The following SELENOF variants were observed in gnomAD, a reference collection of about 807,000 sequenced individuals.
SELENOF encodes the protein 15 kDa selenoprotein.
In SELENOF, 16 loss-of-function variants were observed where a neutral mutation model predicts 20.5. The observed-to-expected ratio is 0.78, with a 90% CI of 0.53 to 1.19. The LOEUF (loss-of-function observed/expected upper bound fraction) is 1.19. Ranked by LOEUF, SELENOF falls within the 50% of genes most tolerant of loss-of-function variation. The pLI, the probability that SELENOF is intolerant of heterozygous loss-of-function variation, is 0.00. For synonymous variants in SELENOF, 78 were observed against 74.5 expected, an observed-to-expected ratio of 1.05 and a Z score of -0.24; for missense variants, 215 against 194.2, an observed-to-expected ratio of 1.11 and a Z score of -0.64.
intron 2 of SELENOF, among the ~76,000 whole-genome samples, chr1:86,900,673 C>CGG (rs1659678635): frequency 1.3e-5 from 2 of 151,330 alleles, no homozygotes; most frequent in African/African-American, 2.4e-5. Flanking sequence ...GAGACGGAGA[C>CGG]AGAGACGGAG....
intron 3 of SELENOF, among the ~76,000 whole-genome samples, chr1:86,873,044 AAAATAAAT>A (rs71582985): frequency 0.025 from 3,509 of 141,730 alleles, 60 homozygotes; most frequent in Non-Finnish European, 0.035. Context: ...GACTCCGTCT[AAAATAAAT>A]AAATAAATAA....
chr1:86,898,176 C>G (rs1415320225), intron 2 of SELENOF, among the ~76,000 whole-genome samples: 1 of 152,024 alleles, frequency 6.6e-6, no homozygotes, highest in African/African-American at 2.4e-5. Flanking sequence ...AAATTATACC[C>G]GGGTTGTGAG....
At chr1:86,908,720 T>A (rs1366532696) in intron 1 of SELENOF, among the ~76,000 whole-genome samples, 2 of 152,212 alleles carry the variant, frequency 1.3e-5, no homozygotes, top group Non-Finnish European at 2.9e-5. Flanking sequence ...TACACAATTA[T>A]CATTCTATAC....
At chr1:86,864,655 T>G (rs917621247) in intron 4 of SELENOF, among the ~76,000 whole-genome samples, 54 of 151,870 alleles carry the variant, frequency 3.6e-4, no homozygotes, top group South Asian at 1.0e-3. Flanking sequence ...TTTTTTTTTT[T>G]GGGATGGAGT....
chr1:86,901,379 AT>A (rs1244234734), intron 2 of SELENOF, among the ~76,000 whole-genome samples: 1 of 151,306 alleles, frequency 6.6e-6, no homozygotes, highest in African/African-American at 2.4e-5. Context: ...TTCCAGTAAT[AT>A]TTTTTAAGTG....
intron 2 of SELENOF, among the ~76,000 whole-genome samples, chr1:86,883,682 C>A (rs1659137404): frequency 6.6e-6 from 1 of 151,910 alleles, no homozygotes; most frequent in Admixed American, 6.6e-5. Context: ...TTCTCTATAC[C>A]ACTGTTTCTT....
At chr1:86,879,264 C>A (rs559342629) in intron 3 of SELENOF, among the ~76,000 whole-genome samples, 184 of 152,202 alleles carry the variant, frequency 1.2e-3, no homozygotes, top group Admixed American at 5.0e-3. Flanking sequence ...AAAGCCAAAA[C>A]AACTGTGGTA....
chr1:86,913,882 T>C (rs1041889811), intron 1 of SELENOF, 146 bp downstream of exon 1: 6 of 711,836 alleles, frequency 8.4e-6, no homozygotes, highest in Non-Finnish European at 1.5e-5. Context: ...ACCGAGAAAT[T>C]AAGCCACGTT....
intron 2 of SELENOF, among the ~76,000 whole-genome samples, chr1:86,898,436 A>T (rs1316852103): frequency 1.3e-5 from 2 of 152,238 alleles, no homozygotes; most frequent in African/African-American, 4.8e-5. Flanking sequence ...AAAAGTGACC[A>T]TTACTAAAAA....
chr1:86,899,419 C>A (rs1439625371), intron 2 of SELENOF, among the ~76,000 whole-genome samples: 1 of 116,128 alleles, frequency 8.6e-6, no homozygotes, highest in African/African-American at 4.2e-5. Context: ...AGGGGGCCGA[C>A]CCCCCCCACC....
At chr1:86,911,784 AT>A (rs34486690) in intron 1 of SELENOF, among the ~76,000 whole-genome samples, 34,405 of 139,864 alleles carry the variant, frequency 0.25, 4,455 homozygotes, top group African/African-American at 0.38. Context: ...TAAAATGACT[AT>A]TTTTTTTTTT....
At chr1:86,882,621 A>C (rs1659106269) in intron 2 of SELENOF, among the ~76,000 whole-genome samples, 1 of 152,170 alleles carries the variant, frequency 6.6e-6, no homozygotes, top group Admixed American at 6.5e-5. Flanking sequence ...TTAAAAATAG[A>C]ATTACCATAT....
At position 86,862,643 on chromosome 1, in the gene SELENOF, G is replaced by T. The variant is rs990946996; in HGVS notation, c.*831C>A. The T allele has an allele frequency of 3.3e-5, 5 of 151,812 alleles. No homozygotes were observed. The highest frequency in any genetic ancestry group is 1.2e-4 in the African/African-American group (5 of 41,326). 9.4% of individuals were successfully genotyped at this position (151,812 alleles called of 1,614,324 possible). ...ATTTTTACATTTTGGCTAAAAAAAGGGCTTACATGAAAAAAATGCATTGAA... is the reference window on the plus strand; with the variant it reads ...ATTTTTACATTTTGGCTAAAAAAAGTGCTTACATGAAAAAAATGCATTGAA... On this transcript the variant is annotated 3_prime_UTR_variant, in exon 5 of 5. Coordinates refer to ENST00000331835, the MANE Select transcript of SELENOF (RefSeq NM_004261.5).
chr1:86,891,587 AT>A (rs1278830754), intron 2 of SELENOF, among the ~76,000 whole-genome samples: 3 of 152,224 alleles, frequency 2.0e-5, no homozygotes. Flanking sequence ...TCTGATCCTA[AT>A]TTGTAATTAT....
intron 1 of SELENOF, among the ~76,000 whole-genome samples, chr1:86,911,166 A>C (rs1659970345): frequency 6.6e-6 from 1 of 152,256 alleles, no homozygotes; most frequent in Non-Finnish European, 1.5e-5. Flanking sequence ...CCACTGGAGC[A>C]CACAGAAAGA....
At chr1:86,894,938 C>CT (rs1330052571) in intron 2 of SELENOF, among the ~76,000 whole-genome samples, 3 of 152,136 alleles carry the variant, frequency 2.0e-5, no homozygotes, top group Admixed American at 6.5e-5. Context: ...TTAGCACAAC[C>CT]TTTTTTCCTC....
chr1:86,903,447 A>C lies in SELENOF; in HGVS notation c.86T>G (p.Val29Gly). ...RLLLATVLQA[V>G]SAFGAEFSSE... ...TGAAAACTCTGCCCCAAAAGCAGACACCTGAAAATAAAAAATGGGAAATAA... is the reference window on the plus strand; with the variant it reads ...TGAAAACTCTGCCCCAAAAGCAGACCCCTGAAAATAAAAAATGGGAAATAA... The change falls in exon 2 of 5, where the codon GTG becomes GGG. Residue 29 changes from valine to glycine, a missense_variant and splice_region_variant. Coordinates refer to ENST00000331835, the MANE Select transcript of SELENOF (RefSeq NM_004261.5). 6.3e-7 allele frequency: 1 copy of C among 1,590,144 alleles called. No individual in the cohort carries two copies. Among genetic ancestry groups the C allele is most frequent in the Non-Finnish European group, 8.5e-7 (1 of 1,170,488 alleles).
intron 1 of SELENOF, among the ~76,000 whole-genome samples, chr1:86,911,852 C>T (rs192654960): frequency 6.6e-6 from 1 of 150,776 alleles, no homozygotes; most frequent in Non-Finnish European, 1.5e-5. Flanking sequence ...GGTGCAATCT[C>T]GGCTCAGTGC....
rs145218417 is a variant in SELENOF, at chr1:86,902,792, G to A, written c.252+489C>T. Among the ~76,000 whole-genome samples the A allele has an allele frequency of 5.4e-3, 818 of 152,318 alleles. 10 individuals carry two copies. Among genetic ancestry groups the A allele is most frequent in the African/African-American group, 0.019 (776 of 41,570 alleles). Reference sequence around the variant, plus strand: ...TTGGCTCTGTTTTCAGATGTTAAAGGTGAGGTTAGGTGTCTCAAATTACTA... The same window carrying A: ...TTGGCTCTGTTTTCAGATGTTAAAGATGAGGTTAGGTGTCTCAAATTACTA... On this transcript the variant is annotated intron_variant, in intron 2 of 4. Transcript: ENST00000331835.
Sources: gnomAD v4.1 joint callset for allele counts (sites outside exome capture counted in the v4.1 genomes callset) on GRCh38, gnomAD v4.1.1 for gene constraint, MANE v1.5 for transcripts, NCBI Gene and HGNC (gene_info 2026-07-23, HGNC 2026-07-21) for gene names.